RUVBL1: variants seen among roughly 807,000 people sequenced by gnomAD.
RUVBL1 encodes RuvB like AAA ATPase 1.
Under a neutral mutation model 52.4 loss-of-function variants are expected in RUVBL1, and 4 were observed. The observed-to-expected ratio is 0.08, with a 90% confidence interval of 0.04 to 0.17. The LOEUF (loss-of-function observed/expected upper bound fraction) is 0.17, where lower values mean the gene tolerates loss of function less well. Among genes scored for constraint, RUVBL1 ranks in the 10% least tolerant of loss-of-function variants. The pLI is 1.00. For synonymous variants in RUVBL1, 217 were observed against 214.4 expected, an observed-to-expected ratio of 1.01 and a Z score of -0.10; for missense variants, 298 against 572.8, an observed-to-expected ratio of 0.52 and a Z score of 4.90.
chr3:128,153,586 C>T (rs76431722), exon 1 of RUVBL1: 32 of 1,571,914 alleles, frequency 2.0e-5, no homozygotes, highest in Admixed American at 5.3e-5. Flanking sequence ...GGCGCGGGCG[C>T]TAAGCACCAC....
chr3:128,091,870 G>A (rs767925353), intron 8 of RUVBL1, among the ~76,000 whole-genome samples: 1 of 152,128 alleles, frequency 6.6e-6, no homozygotes, highest in Non-Finnish European at 1.5e-5. Context: ...ATTTGCCCCT[G>A]GTTAAGAATC....
At chr3:128,068,072 C>T (rs1399342102) in intron 9 of RUVBL1, 1 of 1,610,076 alleles carries the variant, frequency 6.2e-7, no homozygotes, top group Non-Finnish European at 8.5e-7. Flanking sequence ...GAGTGGTGGC[C>T]CCAGGTCCCC....
At chr3:128,073,477 G>C (rs941328407) in intron 9 of RUVBL1, among the ~76,000 whole-genome samples, 1 of 152,180 alleles carries the variant, frequency 6.6e-6, no homozygotes, top group African/African-American at 2.4e-5. Context: ...GATTCCTGAT[G>C]AGGGCCAGGG....
chr3:128,130,154 T>C lies in RUVBL1; in HGVS notation c.-39-10740A>G, dbSNP rs528729502. Among the ~76,000 whole-genome samples, 289 of 152,070 alleles carry C rather than the reference T, an allele frequency of 1.9e-3. 1 individual carries two copies. The highest frequency in any genetic ancestry group is 6.5e-3 in the African/African-American group (268 of 41,474). ...CAAAATTGACAAATCTTTAGCTAGATTGACTAAGAAAACAAGAGAGAAGAC... is the reference window on the plus strand; with the variant it reads ...CAAAATTGACAAATCTTTAGCTAGACTGACTAAGAAAACAAGAGAGAAGAC... On this transcript the variant is annotated intron_variant, in intron 1 of 9. Coordinates refer to the RUVBL1 transcript ENST00000464873.
At position 128,066,715 on chromosome 3, in the gene RUVBL1, C is replaced by T. The variant is rs576432969; in HGVS notation, c.940-1495G>A. Reference sequence around the variant, plus strand: ...CTGGGATTACAGGTGTAAGTCACCACGCCTAGCCTTCAGTGTATTTTTAAA... The same window carrying T: ...CTGGGATTACAGGTGTAAGTCACCATGCCTAGCCTTCAGTGTATTTTTAAA... On this transcript the variant is annotated intron_variant, in intron 9 of 9. Transcript: ENST00000464873. 53 of 557,364 alleles carry T rather than the reference C, an allele frequency of 9.5e-5. No individual in the cohort carries two copies. In the East Asian group the frequency reaches 9.8e-4, roughly 10 times the overall value. 34.5% of individuals were successfully genotyped at this position (557,364 alleles called of 1,614,324 possible). A position where few individuals can be genotyped will look rare whatever the true frequency, so the allele number is the denominator to read the frequency against.
At chr3:128,124,051 G>A (rs867131335), upstream of RUVBL1, among the ~76,000 whole-genome samples, 1 of 152,180 alleles carries the variant, frequency 6.6e-6, no homozygotes, top group Non-Finnish European at 1.5e-5. Context: ...CGTTGCACGA[G>A]GCAGTGGCCC....
intron 8 of RUVBL1, among the ~76,000 whole-genome samples, chr3:128,096,280 GACACTGGGCTTGA>G (rs1281602860): frequency 6.6e-6 from 1 of 152,222 alleles, no homozygotes; most frequent in Non-Finnish European, 1.5e-5. Flanking sequence ...TGGGAATACT[GACACTGGGCTTGA>G]GAGATGGGAA....
At position 128,067,019 on chromosome 3, in the gene RUVBL1, C is replaced by T; in HGVS notation, c.940-1799G>A. The stretch of plus-strand genomic sequence containing the variant: ...GTGGCCAGTACAACACCTATCCCAT[C>T]AAGCTCTTCTATACGTCCAACATCC... On this transcript the variant is annotated intron_variant, in intron 9 of 9. Coordinates refer to the RUVBL1 transcript ENST00000464873. This position sits in a 1 kb window ranked among gnomAD's most constrained non-coding sequence, Gnocchi z 4.1. The T allele has an allele frequency of 6.2e-7, 1 of 1,614,238 alleles. No homozygotes were observed. The highest frequency in any genetic ancestry group is 8.5e-7 in the Non-Finnish European group (1 of 1,180,036).
intron 9 of RUVBL1, chr3:128,069,742 C>T (rs1942100091): frequency 7.8e-6 from 9 of 1,154,464 alleles, no homozygotes; most frequent in Non-Finnish European, 8.9e-6. Flanking sequence ...CGTGCTGCTG[C>T]GGCATATGGA....
chr3:128,113,366 G>A (rs148096340), intron 2 of RUVBL1, among the ~76,000 whole-genome samples: 6 of 152,238 alleles, frequency 3.9e-5, no homozygotes, highest in African/African-American at 9.6e-5. Flanking sequence ...GTAATGCAAC[G>A]TAAGTACCAT....
intron 9 of RUVBL1, among the ~76,000 whole-genome samples, chr3:128,072,249 C>T (rs1255329976): frequency 6.6e-6 from 1 of 152,120 alleles, no homozygotes; most frequent in Non-Finnish European, 1.5e-5. Flanking sequence ...TCTCCCCAGT[C>T]CTGGACAGGG....
exon 1 of RUVBL1, chr3:128,153,204 C>G: frequency 6.9e-6 from 9 of 1,301,930 alleles, no homozygotes; most frequent in Non-Finnish European, 8.7e-6. Context: ...TCCACTCACC[C>G]AGAAAGTCCA....
At position 128,064,902 on chromosome 3, in the gene RUVBL1, C is replaced by T. The variant is rs1240393119; in HGVS notation, c.*310G>A. 16 of 1,611,154 alleles carry T rather than the reference C, an allele frequency of 9.9e-6. No individual in the cohort carries two copies. The highest frequency in any genetic ancestry group is 1.1e-5 in the South Asian group (1 of 90,608). ...GAATGGAATTTGAAGGTGCTATCAT[C>T]GCACTTTTCCATCTGCTGGCCACAC... On this transcript the variant is annotated 3_prime_UTR_variant, in exon 10 of 10. Transcript: ENST00000464873.
At chr3:128,125,238 A>G (rs936749342), upstream of RUVBL1, among the ~76,000 whole-genome samples, 7 of 151,762 alleles carry the variant, frequency 4.6e-5, no homozygotes, top group Non-Finnish European at 1.0e-4. Context: ...AATGGTCTCA[A>G]TCTCCTGACC....
At chr3:128,120,575 G>T (rs1408766075) in intron 1 of RUVBL1, among the ~76,000 whole-genome samples, 2 of 152,076 alleles carry the variant, frequency 1.3e-5, no homozygotes, top group African/African-American at 2.4e-5. Context: ...ATAATATAAG[G>T]TTTGCTACAC....
At chr3:128,116,734 T>A (rs1943531027) in intron 2 of RUVBL1, among the ~76,000 whole-genome samples, 1 of 152,212 alleles carries the variant, frequency 6.6e-6, no homozygotes, top group African/African-American at 2.4e-5. Flanking sequence ...TAACTGCTCA[T>A]GGAATCATAT....
At chr3:128,129,329 C>A (rs181037267) in intron 1 of RUVBL1, among the ~76,000 whole-genome samples, 1 of 152,134 alleles carries the variant, frequency 6.6e-6, no homozygotes, top group Non-Finnish European at 1.5e-5. Flanking sequence ...AAGAAGAAAT[C>A]ATAAGGGAAA....
intron 2 of RUVBL1, among the ~76,000 whole-genome samples, chr3:128,117,202 C>G (rs1943545363): frequency 6.6e-6 from 1 of 152,066 alleles, no homozygotes; most frequent in South Asian, 2.1e-4. Context: ...GACAATTAGA[C>G]TGGAACAAAG....
chr3:128,135,172 A>G lies in RUVBL1; in HGVS notation c.-39-15758T>C, dbSNP rs367795344. On this transcript the variant is annotated intron_variant, in intron 1 of 9. Transcript: ENST00000464873. ...AAATAACATACAAAGGAGCTCCAAT[A>G]TATCTGGCAGCAGACTTCTCAGTGG... Among the ~76,000 whole-genome samples, 68 of 152,350 alleles carry G rather than the reference A, an allele frequency of 4.5e-4. 2 individuals carry two copies. In the South Asian group the frequency reaches 0.014, roughly 31 times the overall value.
Sources: gnomAD v4.1 joint callset for allele counts (sites outside exome capture counted in the v4.1 genomes callset) on GRCh38, gnomAD v4.1.1 for gene constraint, Gnocchi (gnomAD v3.1) non-coding constraint, MANE v1.5 for transcripts, NCBI Gene and HGNC (gene_info 2026-07-23, HGNC 2026-07-21) for gene names.